Variants in PDIA5 observed in about 807,000 individuals in gnomAD.
PDIA5 encodes the protein protein disulfide isomerase family A member 5.
Under a neutral mutation model 77.6 loss-of-function variants are expected in PDIA5, and 58 were observed. The observed-to-expected ratio is 0.75, with a 90% CI of 0.61 to 0.93. The LOEUF is 0.93. Ranked by LOEUF, PDIA5 falls within the 40% of genes least tolerant of loss-of-function variation. The probability of loss-of-function intolerance (pLI) is 0.00; values close to 1 mark genes in which losing one functional copy is unlikely to be tolerated. For synonymous variants in PDIA5, 250 were observed against 252.1 expected, an observed-to-expected ratio of 0.99 and a Z score of 0.08; for missense variants, 630 against 647.7, an observed-to-expected ratio of 0.97 and a Z score of 0.30.
chr3:123,156,902 A>C (rs1936033695), intron 15 of PDIA5, among the ~76,000 whole-genome samples: 2 of 152,210 alleles, frequency 1.3e-5, no homozygotes, highest in South Asian at 4.1e-4. Context: ...ACATCAGTGC[A>C]GGTGAGGCCA....
chr3:123,160,931 C>T (rs1936145391), intron 15 of PDIA5, among the ~76,000 whole-genome samples: 1 of 152,208 alleles, frequency 6.6e-6, no homozygotes, highest in African/African-American at 2.4e-5. Flanking sequence ...TGGCACTATA[C>T]TGTCCCCCCA....
chr3:123,144,739 T>C (rs1251385022), intron 11 of PDIA5: 1 of 151,892 alleles, frequency 6.6e-6, no homozygotes, highest in Admixed American at 6.6e-5. Context: ...ACAAAAAAAA[T>C]TAGCCGGGCG....
chr3:123,080,477 T>C (rs1393678623), intron 1 of PDIA5, among the ~76,000 whole-genome samples: 1 of 152,126 alleles, frequency 6.6e-6, no homozygotes, highest in African/African-American at 2.4e-5. Context: ...GGTAAGGAAA[T>C]TGGAGAGTTC....
chr3:123,107,829 C>T (rs1934772230), intron 6 of PDIA5, among the ~76,000 whole-genome samples: 1 of 152,196 alleles, frequency 6.6e-6, no homozygotes, highest in Admixed American at 6.5e-5. Context: ...GACAGGATCT[C>T]GCTCTGTCAC....
chr3:123,135,506 C>G (rs1298472964), intron 11 of PDIA5, among the ~76,000 whole-genome samples: 3 of 152,206 alleles, frequency 2.0e-5, no homozygotes, highest in African/African-American at 7.2e-5. Context: ...GTTTTCTTTG[C>G]CATATCTTGC....
At chr3:123,068,985 C>T (rs1407268726) in intron 1 of PDIA5, among the ~76,000 whole-genome samples, 1 of 152,172 alleles carries the variant, frequency 6.6e-6, no homozygotes, top group Non-Finnish European at 1.5e-5. Flanking sequence ...CTGCAGGTCC[C>T]CTTCACCAGG....
chr3:123,146,377 C>G, intron 13 of PDIA5, 118 bp downstream of exon 13: 1 of 818,816 alleles, frequency 1.2e-6, no homozygotes, highest in South Asian at 1.7e-5. Flanking sequence ...CCGTAGGAGT[C>G]AAGACGGATC....
chr3:123,102,539 G>A (rs531006610), intron 4 of PDIA5, 45 bp downstream of exon 4: 102 of 1,332,234 alleles, frequency 7.7e-5, no homozygotes, highest in African/African-American at 5.3e-4. Flanking sequence ...AGTGCCAAAT[G>A]CTTTCATTGG....
chr3:123,078,471 T>C (rs1257153416), intron 1 of PDIA5, among the ~76,000 whole-genome samples: 1 of 152,204 alleles, frequency 6.6e-6, no homozygotes, highest in African/African-American at 2.4e-5. Context: ...ATAGAGGAGT[T>C]GCAAAAAGAA....
intron 8 of PDIA5, among the ~76,000 whole-genome samples, chr3:123,117,374 T>TTATATATATATATATATATA (rs370968904): frequency 0.019 from 1,540 of 79,608 alleles, 82 homozygotes; most frequent in East Asian, 0.045. Flanking sequence ...TTCTATGATT[T>TTATATATATATATATATATA]TATATATATA....
Position 123,106,797 on chromosome 3 carries a change from G to A in PDIA5, c.436G>A (p.Glu146Lys), listed in dbSNP as rs1057032839. Residue 146 changes from glutamate to lysine, a missense_variant, in exon 6 of 17, where the codon GAA (glutamate) becomes AAA (lysine). Glu to Lys is a moderately conservative substitution (Grantham distance 56). Coordinates refer to ENST00000316218, the MANE Select transcript of PDIA5 (RefSeq NM_006810.4). The stretch of plus-strand genomic sequence containing the variant: ...TCCAAAAGGGCCCCCACTGTGGGAG[G>A]AAGATCCTGGAGCCAAAGATGTTGT... ...KDPKGPPLWE[E>K]DPGAKDVVHL... The A allele has an allele frequency of 6.2e-7, 1 of 1,612,894 alleles. No individual in the cohort carries two copies. Among genetic ancestry groups the A allele is most frequent in the South Asian group, 1.1e-5 (1 of 91,010 alleles).
At position 123,110,877 on chromosome 3, in the gene PDIA5, G is replaced by A. The variant is rs114472074; in HGVS notation, c.481-67G>A. On this transcript the variant is annotated intron_variant, in intron 6 of 16. Coordinates refer to ENST00000316218, the MANE Select transcript of PDIA5 (RefSeq NM_006810.4). ...TCACCCTGCTGTATGCAGGAGGGGC[G>A]GGGAGGGGGTCTCATCCTGTTACTG... 1,142 of 1,264,114 alleles carry A rather than the reference G, an allele frequency of 9.0e-4. 6 individuals carry two copies. The African/African-American group carries it at 0.014, about 15-fold the overall frequency. The allele number at this position is 1,264,114 out of a possible 1,614,324, so 78.3% of individuals were successfully genotyped here.
chr3:123,083,282 G>A (rs930766193), intron 1 of PDIA5, among the ~76,000 whole-genome samples: 4 of 152,178 alleles, frequency 2.6e-5, no homozygotes, highest in African/African-American at 7.2e-5. Flanking sequence ...CTCTGACAGC[G>A]ATGTGCTGGT....
intron 3 of PDIA5, among the ~76,000 whole-genome samples, chr3:123,095,855 G>A (rs1000381945): frequency 1.3e-5 from 2 of 151,958 alleles, no homozygotes; most frequent in African/African-American, 4.8e-5. Context: ...AATAGCTGTG[G>A]GGCCTTTGGC....
chr3:123,153,269 G>A (rs535334280), intron 14 of PDIA5, among the ~76,000 whole-genome samples: 1 of 152,318 alleles, frequency 6.6e-6, no homozygotes, highest in Non-Finnish European at 1.5e-5. Flanking sequence ...TTTGAGGAAG[G>A]GGGGTGGTTA....
chr3:123,157,606 A>C (rs1936049769), intron 15 of PDIA5, among the ~76,000 whole-genome samples: 1 of 152,188 alleles, frequency 6.6e-6, no homozygotes, highest in African/African-American at 2.4e-5. Context: ...CCCTGTTCCT[A>C]TCCCAATCAA....
chr3:123,077,863 G>T (rs539834587), intron 1 of PDIA5, among the ~76,000 whole-genome samples: 1 of 150,584 alleles, frequency 6.6e-6, no homozygotes, highest in African/African-American at 2.5e-5. Context: ...AGGCTGGAGT[G>T]CAGTGGTGCG....
chr3:123,139,972 A>G (rs72974471), intron 11 of PDIA5, among the ~76,000 whole-genome samples: 5,509 of 152,246 alleles, frequency 0.036, 353 homozygotes, highest in African/African-American at 0.12. Flanking sequence ...TTTGAGTACA[A>G]TTGAGAAAAT....
intron 8 of PDIA5, among the ~76,000 whole-genome samples, chr3:123,117,884 A>G (rs1175389907): frequency 6.6e-6 from 1 of 152,214 alleles, no homozygotes; most frequent in African/African-American, 2.4e-5. Flanking sequence ...TGATGGCAAC[A>G]TAAAAACAGC....
Sources: allele counts gnomAD v4.1 joint callset (sites outside exome capture counted in the v4.1 genomes callset), GRCh38; gene constraint gnomAD v4.1.1; transcripts MANE v1.5; gene names NCBI Gene and HGNC (gene_info 2026-07-23, HGNC 2026-07-21).